The following NAV2 variants were observed in gnomAD, a reference collection of about 807,000 sequenced individuals.
NAV2 encodes the protein helicase, APC down-regulated 1.
In NAV2, 54 loss-of-function variants were observed where a neutral mutation model predicts 223.2. The observed-to-expected ratio is 0.24, with a 90% CI of 0.19 to 0.30. The LOEUF is 0.30. Among genes scored for constraint, NAV2 ranks in the 10% least tolerant of loss-of-function variants. NAV2 has a pLI of 1.00. For synonymous variants in NAV2, 1,279 were observed against 1,239.3 expected (o/e 1.03, Z -0.67); for missense variants, 2,806 against 3,147.5 (o/e 0.89, Z 2.60).
At chr11:19,788,229 T>C (rs1203374475) in intron 1 of NAV2, among the ~76,000 whole-genome samples, 1 of 152,140 alleles carries the variant, frequency 6.6e-6, no homozygotes, top group Admixed American at 6.5e-5. Context: ...CTTCTACCCA[T>C]TGTAAAATGT....
chr11:19,582,036 G>A (rs1409840513), intron 1 of NAV2, among the ~76,000 whole-genome samples: 4 of 152,288 alleles, frequency 2.6e-5, no homozygotes, highest in Admixed American at 6.5e-5. Context: ...GTTGTTTCCT[G>A]ACTTTTTAAT....
intron 1 of NAV2, among the ~76,000 whole-genome samples, chr11:19,594,306 G>A (rs939271010): frequency 1.3e-5 from 2 of 152,158 alleles, no homozygotes; most frequent in African/African-American, 2.4e-5. Flanking sequence ...CTATCTGTCT[G>A]TGTCATTAAG....
intron 5 of NAV2, among the ~76,000 whole-genome samples, chr11:19,881,999 C>T (rs1246869629): frequency 6.6e-6 from 1 of 152,134 alleles, no homozygotes; most frequent in Non-Finnish European, 1.5e-5. Context: ...CCTGGAGTTG[C>T]ACATTGCTGT....
chr11:19,717,526 G>A (rs2152340134), intron 1 of NAV2, among the ~76,000 whole-genome samples: 1 of 152,370 alleles, frequency 6.6e-6, no homozygotes, highest in South Asian at 2.1e-4. Flanking sequence ...AGAATGAAGA[G>A]CAAGGTCATG....
intron 1 of NAV2, among the ~76,000 whole-genome samples, chr11:19,362,378 A>T (rs1447016489): frequency 6.6e-6 from 1 of 152,088 alleles, no homozygotes; most frequent in Non-Finnish European, 1.5e-5. Context: ...CATTTTTTTT[A>T]AATTGAGCTT....
chr11:19,954,932 C>CAT (rs1256050001), intron 10 of NAV2, among the ~76,000 whole-genome samples: 4 of 3,004 alleles, frequency 1.3e-3, no homozygotes, highest in African/African-American at 2.1e-3. Flanking sequence ...TGTGTATATA[C>CAT]ATATATATAT....
intron 1 of NAV2, chr11:19,504,327 C>T (rs1237673266): frequency 6.6e-6 from 1 of 152,216 alleles, no homozygotes; most frequent in African/African-American, 2.4e-5. Context: ...CTCTTTTAGG[C>T]TCATGATGGT....
chr11:19,678,660 T>G (rs552143413), intron 1 of NAV2, among the ~76,000 whole-genome samples: 1 of 152,074 alleles, frequency 6.6e-6, no homozygotes, highest in Non-Finnish European at 1.5e-5. Context: ...AGGGTAGAAA[T>G]TGGCAGTGTC....
intron 1 of NAV2, among the ~76,000 whole-genome samples, chr11:19,565,863 T>A (rs2045251442): frequency 6.6e-6 from 1 of 152,124 alleles, no homozygotes; most frequent in Admixed American, 6.5e-5. Context: ...GACGAAATGC[T>A]CGATGTGGCC....
At chr11:19,543,924 G>A (rs1403616403) in intron 1 of NAV2, among the ~76,000 whole-genome samples, 1 of 152,200 alleles carries the variant, frequency 6.6e-6, no homozygotes, top group Non-Finnish European at 1.5e-5. Context: ...CAATGAATGT[G>A]AGTGTACTCT....
chr11:19,441,473 C>A (rs1308572286), intron 1 of NAV2, among the ~76,000 whole-genome samples: 1 of 151,560 alleles, frequency 6.6e-6, no homozygotes, highest in Non-Finnish European at 1.5e-5. Context: ...CACACACACA[C>A]CCTTCAACAG....
Position 19,513,678 on chromosome 11 carries a change from C to T in NAV2, c.75+162651C>T, listed in dbSNP as rs539571932. Among the ~76,000 whole-genome samples, 218 of 152,316 alleles carry T rather than the reference C, an allele frequency of 1.4e-3. No homozygotes were observed. In the Middle Eastern group the frequency reaches 0.017, roughly 12 times the overall value. ...TCCTCCAAAAACCTATGTTGAAGTC[C>T]TAACCCCTAATTCCTCAGAATGTGA... On this transcript the variant is annotated intron_variant, in intron 1 of 37. Coordinates refer to the NAV2 transcript ENST00000360655.
rs981048149 is a variant in NAV2, at chr11:20,080,191, G to A, written c.5307G>A (p.Lys1769=). ...VGSNIESDSK[K]KKRKNWLRSS... ...GCAACATAGAGAGTGACTCAAAGAAGAAGAAGCGGAAGAACTGGGTGAGTG... is the reference window on the plus strand; with the variant it reads ...GCAACATAGAGAGTGACTCAAAGAAAAAGAAGCGGAAGAACTGGGTGAGTG... Residue 1769 remains lysine (K), a synonymous_variant, in exon 25 of 38, where the codon AAG becomes AAA. Transcript: ENST00000349880. 2.0e-5 allele frequency: 33 copies of A among 1,613,704 alleles called. No homozygotes were observed. Among genetic ancestry groups the A allele is most frequent in the Non-Finnish European group, 2.6e-5 (31 of 1,179,832 alleles).
At chr11:19,540,802 G>A (rs2044318598) in intron 1 of NAV2, among the ~76,000 whole-genome samples, 2 of 152,296 alleles carry the variant, frequency 1.3e-5, no homozygotes, top group South Asian at 4.1e-4. Flanking sequence ...AGGCCAAGGT[G>A]GAAGGATCAC....
chr11:20,073,381 T>G (rs1407806823), intron 22 of NAV2, among the ~76,000 whole-genome samples: 1 of 152,240 alleles, frequency 6.6e-6, no homozygotes, highest in Non-Finnish European at 1.5e-5. Context: ...ATCAAGGATA[T>G]TGGCCTGAAA....
At chr11:19,873,197 G>C (rs1426518906) in intron 4 of NAV2, among the ~76,000 whole-genome samples, 2 of 152,178 alleles carry the variant, frequency 1.3e-5, no homozygotes, top group East Asian at 3.9e-4. Flanking sequence ...CCAGTGCTAG[G>C]CACTAGGGTA....
chr11:19,904,796 C>T (rs1264350742), intron 6 of NAV2, among the ~76,000 whole-genome samples: 2 of 152,244 alleles, frequency 1.3e-5, no homozygotes, highest in Middle Eastern at 3.4e-3. Flanking sequence ...TAGTGAGTTC[C>T]CTGACCCCAG....
At chr11:19,873,392 A>G (rs1400218317) in intron 4 of NAV2, among the ~76,000 whole-genome samples, 1 of 152,150 alleles carries the variant, frequency 6.6e-6, no homozygotes, top group Non-Finnish European at 1.5e-5. Context: ...ATGAATAGAC[A>G]TTTGCCAGAC....
Position 20,115,372 on chromosome 11 carries a change from C to T in NAV2, c.7164+577C>T, listed in dbSNP as rs533575609. 2.2e-3 allele frequency among the ~76,000 whole-genome samples: 330 copies of T among 152,200 alleles called. 1 individual carries two copies. The highest frequency in any genetic ancestry group is 7.7e-3 in the African/African-American group (319 of 41,524). On this transcript the variant is annotated intron_variant, in intron 37 of 37. Transcript: ENST00000349880. The stretch of plus-strand genomic sequence containing the variant: ...GAAGCACCCAGGCTGGGGTGGCTCA[C>T]ACCTGTAATCCCAGCACTTTGAGAG...
Sources: gnomAD v4.1 joint callset for allele counts (sites outside exome capture counted in the v4.1 genomes callset) on GRCh38, gnomAD v4.1.1 for gene constraint, MANE v1.5 for transcripts, NCBI Gene and HGNC (gene_info 2026-07-23, HGNC 2026-07-21) for gene names.